Variants in TSPAN9 observed in about 807,000 individuals in gnomAD.
TSPAN9 encodes tetraspanin-9.
Under a neutral mutation model 31.0 loss-of-function variants are expected in TSPAN9, and 16 were observed. That is an observed-to-expected ratio of 0.52 (90% CI 0.35 to 0.78). The LOEUF is 0.78. Ranked by LOEUF, TSPAN9 falls within the 30% of genes least tolerant of loss-of-function variation. The pLI, the probability that TSPAN9 is intolerant of heterozygous loss-of-function variation, is 0.01. For synonymous variants in TSPAN9, 145 were observed against 121.6 expected (o/e 1.19, Z -1.27); for missense variants, 272 against 312.5 (o/e 0.87, Z 0.98).
intron 2 of TSPAN9, among the ~76,000 whole-genome samples, chr12:3,137,315 C>T (rs560037290): frequency 4.5e-4 from 68 of 152,338 alleles, no homozygotes; most frequent in African/African-American, 1.6e-3. Flanking sequence ...GCCACGCTCT[C>T]CTGGCTGCCC....
chr12:3,182,745 G>C (rs539246262), intron 2 of TSPAN9, among the ~76,000 whole-genome samples: 6 of 152,320 alleles, frequency 3.9e-5, no homozygotes, highest in African/African-American at 7.2e-5. Flanking sequence ...TGTGTGTTGG[G>C]ACCACCAGGC....
chr12:3,255,337 G>A (rs557035810), intron 3 of TSPAN9, among the ~76,000 whole-genome samples: 1 of 152,350 alleles, frequency 6.6e-6, no homozygotes, highest in African/African-American at 2.4e-5. Context: ...CCCCCAGGCT[G>A]ACCTGGGTTT....
At chr12:3,233,362 A>G (rs2098391786) in intron 3 of TSPAN9, among the ~76,000 whole-genome samples, 1 of 152,174 alleles carries the variant, frequency 6.6e-6, no homozygotes, top group Non-Finnish European at 1.5e-5. Context: ...GTCACAACAC[A>G]TCACCTCTAG....
At chr12:3,277,422 G>A (rs1862808347) in intron 3 of TSPAN9, among the ~76,000 whole-genome samples, 1 of 152,222 alleles carries the variant, frequency 6.6e-6, no homozygotes, top group Non-Finnish European at 1.5e-5. Context: ...CCTGGGAGTG[G>A]TAGATTTTGC....
chr12:3,251,283 G>A (rs1000377599), intron 3 of TSPAN9, among the ~76,000 whole-genome samples: 10 of 152,136 alleles, frequency 6.6e-5, no homozygotes, highest in Admixed American at 5.9e-4. Flanking sequence ...CTGTTCACAG[G>A]CCCCAGCAGT....
intron 2 of TSPAN9, among the ~76,000 whole-genome samples, chr12:3,153,595 A>G (rs1168714318): frequency 6.6e-6 from 1 of 152,232 alleles, no homozygotes; most frequent in Non-Finnish European, 1.5e-5. Flanking sequence ...TTTCCTATTT[A>G]TCCGTTTTCC....
At chr12:3,103,054 G>A (rs930209592) in intron 2 of TSPAN9, among the ~76,000 whole-genome samples, 15 of 152,192 alleles carry the variant, frequency 9.9e-5, no homozygotes, top group African/African-American at 3.6e-4. Flanking sequence ...TGGCTCCCTT[G>A]GGGGATGTCA....
chr12:3,280,072 A>G lies in TSPAN9; in HGVS notation c.331-310A>G, dbSNP rs952210110. ...TGTGTGGCTGGTCCTGGGATGGGGG[A>G]GTGGAGGCACGTGGTGTGTTTTTTT... On this transcript the variant is annotated intron_variant, in intron 5 of 8. Transcript: ENST00000011898. The surrounding 1 kb of genome is among the most constrained non-coding windows in gnomAD (Gnocchi z 4.5). Among the ~76,000 whole-genome samples the G allele has an allele frequency of 6.7e-6, 1 of 150,082 alleles. No homozygotes were observed. The highest frequency in any genetic ancestry group is 1.5e-5 in the Non-Finnish European group (1 of 67,506).
At chr12:3,234,780 T>G (rs2098392444) in intron 3 of TSPAN9, among the ~76,000 whole-genome samples, 1 of 152,008 alleles carries the variant, frequency 6.6e-6, no homozygotes. Context: ...AAAAATATCA[T>G]CTCAGTATCC....
In TSPAN9 at chr12:3,105,180, G is replaced by C. The variant is rs1021734445; in HGVS notation, c.-18+21461G>C. 3.3e-5 allele frequency among the ~76,000 whole-genome samples: 5 copies of C among 152,148 alleles called. 1 individual carries two copies. Among genetic ancestry groups the C allele is most frequent in the Admixed American group, 2.6e-4 (4 of 15,288 alleles). ...GTTCAGACAAGCCCTGCTGTGTAGA[G>C]GCCTGAGCTTTCTGCCGCCGACTTG... On this transcript the variant is annotated intron_variant, in intron 2 of 8. Coordinates refer to ENST00000011898, the MANE Select transcript of TSPAN9 (RefSeq NM_006675.5).
At chr12:3,230,800 T>C (rs2098390343) in intron 3 of TSPAN9, among the ~76,000 whole-genome samples, 1 of 151,766 alleles carries the variant, frequency 6.6e-6, no homozygotes, top group Admixed American at 6.6e-5. Context: ...GATCCTCAGT[T>C]CCCCCGAGGA....
intron 2 of TSPAN9, among the ~76,000 whole-genome samples, chr12:3,199,813 G>A (rs910850940): frequency 2.6e-5 from 4 of 152,182 alleles, no homozygotes; most frequent in Non-Finnish European, 5.9e-5. Context: ...GCCTCCCTGC[G>A]GTCCCTTCTC....
In TSPAN9 at chr12:3,205,718, G is replaced by GCCC. The variant is rs60604328; in HGVS notation, c.63+4472_63+4474dup. 2.6e-3 allele frequency among the ~76,000 whole-genome samples: 265 copies of GCCC among 100,624 alleles called. 3 individuals carry two copies. Among genetic ancestry groups the GCCC allele is most frequent in the African/African-American group, 6.9e-3 (226 of 32,604 alleles). 66.0% of individuals were successfully genotyped at this position (100,624 alleles called of 152,430 possible). A position where few individuals can be genotyped will look rare whatever the true frequency, so the allele number is the denominator to read the frequency against. ...AACCTGGGCAGCAAGAGGCACTTAG[G>GCCC]CCCCCCCCCCCCAGAGTGCTCAGGT... On this transcript the variant is annotated intron_variant, in intron 3 of 8. Transcript: ENST00000011898.
chr12:3,094,847 CTTTTTTTTTTT>C (rs61154605), intron 2 of TSPAN9, among the ~76,000 whole-genome samples: 23 of 101,944 alleles, frequency 2.3e-4, no homozygotes, highest in Admixed American at 5.9e-4. Flanking sequence ...AATCAATAAT[CTTTTTTTTTTT>C]TTTTTTTTTT....
In TSPAN9 at chr12:3,172,458, T is replaced by C. The variant is rs2098352506; in HGVS notation, c.-17-28719T>C. 1 of 152,266 alleles carries C rather than the reference T, an allele frequency of 6.6e-6. No homozygotes were observed. The highest frequency in any genetic ancestry group is 1.5e-5 in the Non-Finnish European group (1 of 68,062). 9.4% of individuals were successfully genotyped at this position (152,266 alleles called of 1,614,324 possible). Reference sequence around the variant, plus strand: ...AGAGAGATTAATAACTGGTGGTTCTTAGTCTGGCGCGAGCGGGTGCTCGTG... The same window carrying C: ...AGAGAGATTAATAACTGGTGGTTCTCAGTCTGGCGCGAGCGGGTGCTCGTG... On this transcript the variant is annotated intron_variant, in intron 2 of 8. Transcript: ENST00000011898. The surrounding 1 kb of genome is among the most constrained non-coding windows in gnomAD (Gnocchi z 4.8).
chr12:3,100,335 C>T (rs555669338), intron 2 of TSPAN9, among the ~76,000 whole-genome samples: 2 of 152,286 alleles, frequency 1.3e-5, no homozygotes, highest in East Asian at 3.9e-4. Context: ...GCTCTCCTCT[C>T]CTCTCTGGTA....
At chr12:3,226,794 A>T (rs55688006) in intron 3 of TSPAN9, among the ~76,000 whole-genome samples, 13,904 of 16,342 alleles carry the variant, frequency 0.85, 5,850 homozygotes, top group South Asian at 0.91. Flanking sequence ...ATATATATAT[A>T]TTTTTTTTTT....
At chr12:3,274,359 C>T (rs943662466) in intron 3 of TSPAN9, among the ~76,000 whole-genome samples, 1 of 152,096 alleles carries the variant, frequency 6.6e-6, no homozygotes, top group Non-Finnish European at 1.5e-5. Flanking sequence ...GGAAATTGGG[C>T]CTCCGAGAGC....
intron 2 of TSPAN9, among the ~76,000 whole-genome samples, chr12:3,152,065 A>G (rs932391119): frequency 6.6e-6 from 1 of 152,192 alleles, no homozygotes; most frequent in Admixed American, 6.5e-5. Context: ...ACTCTGAGGA[A>G]TTTTTCCTCT....
Sources: allele counts gnomAD v4.1 joint callset (sites outside exome capture counted in the v4.1 genomes callset), GRCh38; gene constraint gnomAD v4.1.1; non-coding constraint Gnocchi (gnomAD v3.1); transcripts MANE v1.5; gene names NCBI Gene and HGNC (gene_info 2026-07-23, HGNC 2026-07-21).